TBL2: variants seen among roughly 807,000 people sequenced by gnomAD.
The protein encoded by TBL2 is transducin beta like 2, also known as transducin beta-like protein 2.
TBL2 carries 33 observed loss-of-function variants against 41.8 expected under a neutral mutation model. The ratio of observed to expected loss-of-function variants is 0.79; its 90% CI spans 0.60 to 1.06. The LOEUF (loss-of-function observed/expected upper bound fraction) is 1.06. Among genes scored for constraint, TBL2 ranks in the 50% least tolerant of loss-of-function variants. The pLI is 0.00. For synonymous variants in TBL2, 239 were observed against 241.7 expected (o/e 0.99, Z 0.10); for missense variants, 522 against 603.8 (o/e 0.86, Z 1.42).
rs1554588480 is a variant in TBL2 at position 73,574,429 on chromosome 7, G to A, written c.215C>T (p.Pro72Leu). ...KQYQRIRKEK[P>L]QQHNFTHRLL... is the part of the protein sequence containing the mutation. ...GCGGTGGGTGAAGTTGTGTTGTTGA[G>A]GCTTCTCCTTCCGAATCCGCTGATA... Residue 72 changes from proline (P) to leucine (L), a missense_variant, in exon 2 of 7, where the codon CCT becomes CTT. Pro to Leu is a moderately conservative substitution (Grantham distance 98). Coordinates refer to ENST00000305632, the MANE Select transcript of TBL2 (RefSeq NM_012453.4). 1.9e-6 allele frequency: 3 copies of A among 1,614,102 alleles called. No homozygotes were observed. Among genetic ancestry groups the A allele is most frequent in the Non-Finnish European group, 1.7e-6 (2 of 1,180,040 alleles).
chr7:73,573,878 G>A, intron 3 of TBL2, 60 bp downstream of exon 3: 1 of 1,583,518 alleles, frequency 6.3e-7, no homozygotes, highest in Non-Finnish European at 8.6e-7. Context: ...GCAGATATGG[G>A]AAGGCCAAAG....
chr7:73,576,683 G>A (rs1273239593), intron 1 of TBL2: 3 of 456,426 alleles, frequency 6.6e-6, no homozygotes, highest in Non-Finnish European at 1.3e-5. Flanking sequence ...AATTCCAACA[G>A]GAAAAAAGCT....
chr7:73,574,161 T>C (rs559422917), intron 2 of TBL2, 39 bp from the exon 3 acceptor site: 3 of 1,602,100 alleles, frequency 1.9e-6, no homozygotes, highest in South Asian at 1.1e-5. Context: ...TAGGAGCTCC[T>C]GGGGGAGATG....
chr7:73,572,572 G>A (rs1563449563), intron 5 of TBL2, among the ~76,000 whole-genome samples: 1 of 152,232 alleles, frequency 6.6e-6, no homozygotes, highest in Non-Finnish European at 1.5e-5. Context: ...AGTGAGCTAT[G>A]ATCGCACCAC....
rs141002736 is a variant in TBL2, at chr7:73,574,041, G to A, written c.343C>T (p.Arg115Cys). The A allele has an allele frequency of 5.0e-5, 81 of 1,614,030 alleles. 1 individual carries two copies. In the African/African-American group the frequency reaches 8.3e-4, roughly 16 times the overall value. Residue 115 changes from arginine to cysteine, a missense_variant, in exon 3 of 7, where the codon CGC (arginine) becomes TGC (cysteine). Transcript: ENST00000305632. ...AGGAAGTCCTTGGTGCTCCAGATGC[G>A]GATGGTGCGATCATCTGCACAGGTA... ...LATCADDRTI[R>C]IWSTKDFLQR...
rs781859448 is a variant in TBL2 at position 73,572,975 on chromosome 7, G to C, written c.599-5C>G. ...AGGCAGTCATGATAAACTTCCCTGA[G>C]CGGGAAGGGAGTGATGTGGGTCACG... On this transcript the variant is annotated splice_region_variant and splice_polypyrimidine_tract_variant and intron_variant, in intron 4 of 6. Transcript: ENST00000305632. 2.5e-6 allele frequency: 4 copies of C among 1,614,190 alleles called. No individual in the cohort carries two copies. The Admixed American group carries it at 6.7e-5, about 27-fold the overall frequency.
intron 1 of TBL2, 80 bp from the exon 2 acceptor site, chr7:73,574,593 G>C: frequency 2.5e-6 from 4 of 1,596,222 alleles, no homozygotes; most frequent in South Asian, 1.1e-5. Context: ...CAGGCATTGA[G>C]TGGAACAGCA....
rs958318927 is a variant in TBL2 at position 73,570,273 on chromosome 7, T to A, written c.*234A>T. ...CCAGGTGGGGACAGATTCCACCCAC[T>A]GGGCCTGGGAGGAAGAAAAGCACCT... On this transcript the variant is annotated 3_prime_UTR_variant, in exon 7 of 7. Coordinates refer to ENST00000305632, the MANE Select transcript of TBL2 (RefSeq NM_012453.4). The A allele has an allele frequency of 3.5e-6, 2 of 578,962 alleles. No individual in the cohort carries two copies. Among genetic ancestry groups the A allele is most frequent in the African/African-American group, 1.9e-5 (1 of 52,742 alleles). The allele number at this position is 578,962 out of a possible 1,614,324, so 35.9% of individuals were successfully genotyped here.
Position 73,570,768 on chromosome 7 carries a change from C to T in TBL2, c.1083G>A (p.Arg361=), listed in dbSNP as rs781901435. The change falls in exon 7 of 7, where the codon CGG becomes CGA. Residue 361 remains arginine, a synonymous_variant. Coordinates refer to ENST00000305632, the MANE Select transcript of TBL2 (RefSeq NM_012453.4). The stretch of plus-strand genomic sequence containing the variant: ...GCTCAAAGCACTCCTCCTTCTCGCC[C>T]CGCCGGGTATTGTAGAGATGAATAC... The part of the protein sequence containing the change: ...GSSIHLYNTR[R]GEKEECFERV... 15 of 1,614,084 alleles carry T rather than the reference C, an allele frequency of 9.3e-6. No individual in the cohort carries two copies. In the Admixed American group the frequency reaches 2.3e-4, roughly 25 times the overall value.
intron 1 of TBL2, among the ~76,000 whole-genome samples, chr7:73,575,213 C>A (rs1415634674): frequency 2.0e-5 from 3 of 151,866 alleles, no homozygotes; most frequent in African/African-American, 7.3e-5. Context: ...GTAGCCTCTG[C>A]CTCCCAGGTT....
rs182824615 is a variant in TBL2, at chr7:73,575,274, C to T, written c.131-761G>A. On this transcript the variant is annotated intron_variant, in intron 1 of 6. Transcript: ENST00000305632. ...CCAAGTAGCTGGGATCATGGGCGTGCACCACCATATCCAGCTAATTTTTTT... is the reference window on the plus strand; with the variant it reads ...CCAAGTAGCTGGGATCATGGGCGTGTACCACCATATCCAGCTAATTTTTTT... Among the ~76,000 whole-genome samples the T allele has an allele frequency of 3.1e-3, 469 of 150,862 alleles. 2 individuals are homozygous for T. The highest frequency in any genetic ancestry group is 0.011 in the African/African-American group (454 of 40,994).
At chr7:73,572,743 C>T (rs1354664810) in intron 5 of TBL2, 101 bp downstream of exon 5, 9 of 1,551,560 alleles carry the variant, frequency 5.8e-6, no homozygotes, top group Admixed American at 1.7e-5. Flanking sequence ...GACCCCACCC[C>T]GTATGCTCTT....
rs1554587364 is a variant in TBL2, at chr7:73,570,931, T to C, written c.920A>G (p.Asp307Gly). The change falls in exon 7 of 7, where the codon GAC becomes GGC. Residue 307 changes from aspartate (D) to glycine (G), a missense_variant. Physicochemically the swap from Asp to Gly is moderately conservative, Grantham distance 94. Transcript: ENST00000305632. The stretch of plus-strand genomic sequence containing the variant: ...CTTCTTCTTGTATTCCACATCTGTG[T>C]CCCACAGTTTCCATGTACCATCCTT... ...VSKDGTWKLW[D>G]TDVEYKKKQD... 2 of 1,612,094 alleles carry C rather than the reference T, an allele frequency of 1.2e-6. No homozygotes were observed. The highest frequency in any genetic ancestry group is 1.1e-5 in the South Asian group (1 of 90,878).
At position 73,574,422 on chromosome 7, in the gene TBL2, T is replaced by C. The variant is rs1554588473; in HGVS notation, c.222A>G (p.Gln74=). 2.5e-6 allele frequency: 4 copies of C among 1,613,970 alleles called. No homozygotes were observed. Among genetic ancestry groups the C allele is most frequent in the Non-Finnish European group, 3.4e-6 (4 of 1,180,018 alleles). ...CCAGGAGGCGGTGGGTGAAGTTGTG[T>C]TGTTGAGGCTTCTCCTTCCGAATCC... ...YQRIRKEKPQ[Q]HNFTHRLLAA... The change falls in exon 2 of 7, where the codon CAA becomes CAG. Residue 74 remains glutamine (Q), a synonymous_variant. Coordinates refer to ENST00000305632, the MANE Select transcript of TBL2 (RefSeq NM_012453.4).
Position 73,574,860 on chromosome 7 carries a change from G to C in TBL2, c.131-347C>G, listed in dbSNP as rs904878358. ...AAACAAAACAGAGGCTTTGGAATCA[G>C]ACCTGGGTTTGGATTCTGTCTCTAC... On this transcript the variant is annotated intron_variant, in intron 1 of 6. Coordinates refer to ENST00000305632, the MANE Select transcript of TBL2 (RefSeq NM_012453.4). The C allele has an allele frequency of 3.4e-5, 13 of 386,284 alleles. 1 individual carries two copies. Among genetic ancestry groups the C allele is most frequent in the Non-Finnish European group, 5.5e-5 (11 of 199,956 alleles). 23.9% of individuals were successfully genotyped at this position (386,284 alleles called of 1,614,324 possible).
intron 5 of TBL2, 152 bp from the exon 6 acceptor site, chr7:73,571,493 A>C: frequency 1.6e-5 from 17 of 1,076,778 alleles, no homozygotes; most frequent in Non-Finnish European, 1.8e-5. Context: ...GCGGTGGCTC[A>C]CGCCTGTCAT....
intron 3 of TBL2, 81 bp from the exon 4 acceptor site, chr7:73,573,552 G>A (rs1482564891): frequency 1.9e-6 from 3 of 1,568,486 alleles, no homozygotes; most frequent in Admixed American, 3.7e-5. Context: ...GGTTCTCGGG[G>A]AAGTCAAGAT....
rs1792704094 is a variant in TBL2 at position 73,567,697 on chromosome 7, T to C, written c.*2810A>G. ...GCTCTATGTTAATATCCAGACACCT[T>C]CTCTGTGGTTACAAGAGAAGCTTGA... On this transcript the variant is annotated 3_prime_UTR_variant, in exon 7 of 7. Coordinates refer to ENST00000305632, the MANE Select transcript of TBL2 (RefSeq NM_012453.4). Among the ~76,000 whole-genome samples the C allele has an allele frequency of 6.6e-6, 1 of 152,184 alleles. No individual in the cohort carries two copies. The highest frequency in any genetic ancestry group is 1.5e-5 in the Non-Finnish European group (1 of 68,042).
At chr7:73,574,184 C>A in intron 2 of TBL2, 62 bp from the exon 3 acceptor site, 1 of 1,589,814 alleles carries the variant, frequency 6.3e-7, no homozygotes, top group Non-Finnish European at 8.6e-7. Context: ...GAAGCCAAAC[C>A]TGGAGCCGGG....
Sources: allele counts gnomAD v4.1 joint callset (sites outside exome capture counted in the v4.1 genomes callset), GRCh38; gene constraint gnomAD v4.1.1; transcripts MANE v1.5; gene names NCBI Gene and HGNC (gene_info 2026-07-23, HGNC 2026-07-21).